The following WDPCP variants were observed in gnomAD, a reference collection of about 807,000 sequenced individuals.
The protein encoded by WDPCP is WD repeat containing planar cell polarity effector, also known as WD repeat-containing and planar cell polarity effector protein fritz homolog.
A neutral mutation model predicts 93.1 loss-of-function variants in WDPCP; 71 were observed. The ratio of observed to expected loss-of-function variants is 0.76; its 90% CI spans 0.63 to 0.93. The LOEUF (loss-of-function observed/expected upper bound fraction) is 0.93. WDPCP is among the 40% of genes least tolerant of loss of function. The pLI is 0.00. For synonymous variants in WDPCP, 315 were observed against 315.0 expected (o/e 1.00, Z 0.00); for missense variants, 844 against 887.4 (o/e 0.95, Z 0.62).
intron 12 of WDPCP, among the ~76,000 whole-genome samples, chr2:63,315,849 A>G (rs1686593551): frequency 1.3e-5 from 2 of 151,972 alleles, no homozygotes; most frequent in South Asian, 2.1e-4. Flanking sequence ...CATCAACCTC[A>G]TAAGTACCTC....
chr2:63,505,041 T>G (rs1219127891), intron 1 of WDPCP, among the ~76,000 whole-genome samples: 1 of 152,028 alleles, frequency 6.6e-6, no homozygotes, highest in Non-Finnish European at 1.5e-5. Context: ...TTGACTACCC[T>G]TATTTGGTAG....
intron 2 of WDPCP, among the ~76,000 whole-genome samples, chr2:63,790,170 C>T (rs1670526031): frequency 6.6e-6 from 1 of 152,158 alleles, no homozygotes; most frequent in Non-Finnish European, 1.5e-5. Context: ...AGCCACCCAT[C>T]AGACCAGGTG....
chr2:63,320,271 G>T (rs1347750078), intron 12 of WDPCP, among the ~76,000 whole-genome samples: 1 of 152,088 alleles, frequency 6.6e-6, no homozygotes, highest in Non-Finnish European at 1.5e-5. Flanking sequence ...GACATTTGCA[G>T]GAAGAAACCA....
chr2:63,589,417 C>G, upstream of WDPCP: 1 of 1,539,596 alleles, frequency 6.5e-7, no homozygotes, highest in Non-Finnish European at 8.8e-7. Flanking sequence ...TGGGTCCTAA[C>G]CCCTTTTTCT....
At chr2:63,180,191 C>T (rs898508478) in intron 14 of WDPCP, among the ~76,000 whole-genome samples, 1 of 152,012 alleles carries the variant, frequency 6.6e-6, no homozygotes, top group Non-Finnish European at 1.5e-5. Context: ...TGTTGAAGAC[C>T]TCTATTACTT....
chr2:63,687,240 T>C (rs146404228), intron 2 of WDPCP, among the ~76,000 whole-genome samples: 2 of 152,280 alleles, frequency 1.3e-5, no homozygotes, highest in East Asian at 1.9e-4. Flanking sequence ...AAAGAAAACA[T>C]TGAGGAAACT....
At chr2:63,670,526 G>A (rs1372805278) in intron 2 of WDPCP, among the ~76,000 whole-genome samples, 2 of 152,062 alleles carry the variant, frequency 1.3e-5, no homozygotes, top group Admixed American at 1.3e-4. Flanking sequence ...GGACCATGAG[G>A]GAAAATTACA....
At chr2:63,612,927 C>T (rs1203561753) in intron 3 of WDPCP, among the ~76,000 whole-genome samples, 2 of 149,184 alleles carry the variant, frequency 1.3e-5, no homozygotes, top group African/African-American at 2.5e-5. Flanking sequence ...TCCTTTCTTT[C>T]TTTCTTTTTT....
chr2:63,537,384 C>A (rs1704370751), intron 1 of WDPCP, among the ~76,000 whole-genome samples: 1 of 152,190 alleles, frequency 6.6e-6, no homozygotes, highest in South Asian at 2.1e-4. Context: ...CCATTCTCCA[C>A]ATTGTTGCCA....
At chr2:63,349,129 G>A (rs1689402677) in intron 12 of WDPCP, among the ~76,000 whole-genome samples, 1 of 152,064 alleles carries the variant, frequency 6.6e-6, no homozygotes, top group Non-Finnish European at 1.5e-5. Context: ...ACATGGATTG[G>A]TTGTTCATGT....
intron 1 of WDPCP, among the ~76,000 whole-genome samples, chr2:63,529,689 G>C (rs1050261845): frequency 2.0e-5 from 3 of 152,074 alleles, no homozygotes; most frequent in Admixed American, 2.0e-4. Flanking sequence ...TTTTCGTTGT[G>C]TCTCTGCCAG....
chr2:63,724,387 CT>C (rs1669468633), intron 2 of WDPCP, among the ~76,000 whole-genome samples: 1 of 152,024 alleles, frequency 6.6e-6, no homozygotes, highest in Admixed American at 6.6e-5. Flanking sequence ...AATACTTACA[CT>C]GTTGATCACA....
chr2:63,722,467 G>A (rs1237784892), intron 2 of WDPCP, among the ~76,000 whole-genome samples: 60 of 149,698 alleles, frequency 4.0e-4, no homozygotes, highest in African/African-American at 1.3e-3. Flanking sequence ...CGCCCCGTCT[G>A]AGAAGTGAGG....
At chr2:63,643,831 G>C in intron 3 of WDPCP, 1 of 542,124 alleles carries the variant, frequency 1.8e-6, no homozygotes, top group Non-Finnish European at 3.7e-6. Flanking sequence ...CCTTTCCATT[G>C]ATCTTAATAA....
intron 13 of WDPCP, among the ~76,000 whole-genome samples, chr2:63,285,174 TA>T (rs1283265115): frequency 6.6e-6 from 1 of 152,216 alleles, no homozygotes; most frequent in Non-Finnish European, 1.5e-5. Context: ...CTCATGCCTA[TA>T]ATCCCAGCAC....
At chr2:63,184,888 C>A (rs1171174522) in intron 14 of WDPCP, among the ~76,000 whole-genome samples, 1 of 152,126 alleles carries the variant, frequency 6.6e-6, no homozygotes, top group Non-Finnish European at 1.5e-5. Context: ...CCATGCTTCT[C>A]AAAATATTCA....
intron 14 of WDPCP, among the ~76,000 whole-genome samples, chr2:63,231,758 A>G (rs975330912): frequency 6.6e-6 from 1 of 152,180 alleles, no homozygotes; most frequent in African/African-American, 2.4e-5. Flanking sequence ...ATACTGCCCA[A>G]GGTAATTTAT....
chr2:63,753,352 C>T (rs1669910896), intron 2 of WDPCP, among the ~76,000 whole-genome samples: 1 of 152,086 alleles, frequency 6.6e-6, no homozygotes, highest in Non-Finnish European at 1.5e-5. Context: ...TCACTTGAAC[C>T]CAGGAGGCGG....
intron 10 of WDPCP, among the ~76,000 whole-genome samples, chr2:63,384,191 T>C (rs1397914993): frequency 4.0e-5 from 6 of 151,874 alleles, no homozygotes; most frequent in Admixed American, 2.6e-4. Context: ...AAATAGTAAA[T>C]AACAAATATA....
Sources: gnomAD v4.1 joint callset for allele counts (sites outside exome capture counted in the v4.1 genomes callset) on GRCh38, gnomAD v4.1.1 for gene constraint, MANE v1.5 for transcripts, NCBI Gene and HGNC (gene_info 2026-07-23, HGNC 2026-07-21) for gene names.